Variants in TTC21A observed in about 807,000 individuals in gnomAD.
TTC21A encodes the protein tetratricopeptide repeat protein 21A.
Under a neutral mutation model 156.4 loss-of-function variants are expected in TTC21A, and 128 were observed. That is an observed-to-expected ratio of 0.82 (90% CI 0.71 to 0.95). The LOEUF (loss-of-function observed/expected upper bound fraction) is 0.95, where lower values mean the gene tolerates loss of function less well. Among genes scored for constraint, TTC21A ranks in the 40% least tolerant of loss-of-function variants. The pLI is 0.00. For synonymous variants in TTC21A, 587 were observed against 617.1 expected (o/e 0.95, Z 0.72); for missense variants, 1,435 against 1,602.3 (o/e 0.90, Z 1.78).
intron 19 of TTC21A, among the ~76,000 whole-genome samples, chr3:39,132,405 T>TC (rs561731087): frequency 2.0e-5 from 3 of 152,066 alleles, no homozygotes; most frequent in East Asian, 3.9e-4. Context: ...CTCACGTTTT[T>TC]CCCCCCAGGG....
In TTC21A at chr3:39,136,498, T is replaced by C. The variant is rs1438190200; in HGVS notation, c.3086T>C (p.Ile1029Thr). 5.6e-6 allele frequency: 9 copies of C among 1,613,912 alleles called. No individual in the cohort carries two copies. The highest frequency in any genetic ancestry group is 6.8e-6 in the Non-Finnish European group (8 of 1,179,958). ...CCAGGGTTCAATTACTGCAGAGGTATCTACTGCTGGTGAGTTGGGTGTGGT... is the reference window on the plus strand; with the variant it reads ...CCAGGGTTCAATTACTGCAGAGGTACCTACTGCTGGTGAGTTGGGTGTGGT... ...LEPGFNYCRG[I>T]YCWHIGQPNE... The change falls in exon 23 of 29, where the codon ATC becomes ACC. Residue 1029 changes from isoleucine to threonine, a missense_variant. By Grantham distance (89) the Ile-to-Thr change is moderately conservative. Coordinates refer to ENST00000683103, the MANE Select transcript of TTC21A (RefSeq NM_001366900.1).
chr3:39,137,337 G>C lies in TTC21A; in HGVS notation c.3400G>C (p.Ala1134Pro). The change falls in exon 25 of 29, where the codon GCT becomes CCT. Residue 1134 changes from alanine to proline, a missense_variant. Coordinates refer to ENST00000683103, the MANE Select transcript of TTC21A (RefSeq NM_001366900.1). ...GLCRLATREKANMEAALGSFI... is the reference protein window; with the variant it reads ...GLCRLATREKPNMEAALGSFI... ...CTGCCGGCTGGCCACCAGGGAGAAG[G>C]CTAACATGGAGGCTGCGCTGGGCAG... 1 of 1,613,912 alleles carries C rather than the reference G, an allele frequency of 6.2e-7. No homozygotes were observed. The highest frequency in any genetic ancestry group is 1.3e-5 in the African/African-American group (1 of 75,060).
chr3:39,119,020 C>T (rs900114578), intron 7 of TTC21A: 1 of 152,166 alleles, frequency 6.6e-6, no homozygotes, highest in African/African-American at 2.4e-5. Flanking sequence ...CTATCCTCAG[C>T]TCCCTGTGAC....
chr3:39,113,589 C>T (rs181254067), intron 5 of TTC21A, among the ~76,000 whole-genome samples: 177 of 152,288 alleles, frequency 1.2e-3, no homozygotes, highest in African/African-American at 4.0e-3. Flanking sequence ...TCTCCTGCTC[C>T]TGATGGTAGG....
chr3:39,119,988 C>T lies in TTC21A; in HGVS notation c.868C>T (p.His290Tyr). The change falls in exon 8 of 29, where the codon CAT becomes TAT. Residue 290 changes from histidine to tyrosine, a missense_variant. Coordinates refer to ENST00000683103, the MANE Select transcript of TTC21A (RefSeq NM_001366900.1). ...ETREPENPSL[H>Y]LKKIIVVSRL... Reference sequence around the variant, plus strand: ...AAGGGAACCCGAAAATCCAAGCCTCCATCTTAAAAAAATTATTGTGGTTAG... The same window carrying T: ...AAGGGAACCCGAAAATCCAAGCCTCTATCTTAAAAAAATTATTGTGGTTAG... 6.2e-7 allele frequency: 1 copy of T among 1,609,006 alleles called. No individual in the cohort carries two copies. Among genetic ancestry groups the T allele is most frequent in the Non-Finnish European group, 8.5e-7 (1 of 1,175,982 alleles).
intron 4 of TTC21A, among the ~76,000 whole-genome samples, 164 bp from the exon 5 acceptor site, chr3:39,112,294 A>G (rs913692857): frequency 1.3e-5 from 2 of 152,154 alleles, no homozygotes; most frequent in Admixed American, 6.5e-5. Flanking sequence ...CAAAGCAACA[A>G]TGGGAGTCCT....
chr3:39,135,243 T>C, intron 22 of TTC21A, 69 bp downstream of exon 22: 1 of 1,349,204 alleles, frequency 7.4e-7, no homozygotes. Flanking sequence ...CAGAGAAGGG[T>C]GGGACCTCTC....
intron 1 of TTC21A, 38 bp downstream of exon 1, chr3:39,107,902 ACT>A: frequency 1.2e-6 from 2 of 1,607,496 alleles, no homozygotes; most frequent in Non-Finnish European, 1.7e-6. Context: ...CTCCCTCGTG[ACT>A]CCCCGCCCCT....
chr3:39,117,515 A>G (rs1193741088), intron 6 of TTC21A, among the ~76,000 whole-genome samples: 1 of 152,180 alleles, frequency 6.6e-6, no homozygotes, highest in Non-Finnish European at 1.5e-5. Context: ...ACTGCCCCCC[A>G]AGTGCCTTTC....
chr3:39,121,934 G>A (rs2949565), intron 9 of TTC21A, among the ~76,000 whole-genome samples: 82,639 of 152,034 alleles, frequency 0.54, 25,493 homozygotes, highest in East Asian at 0.72. Flanking sequence ...TTGACTTCTG[G>A]TTCAACATGT....
chr3:39,137,849 T>C (rs927428025), intron 26 of TTC21A, 139 bp downstream of exon 26: 8 of 889,932 alleles, frequency 9.0e-6, no homozygotes, highest in African/African-American at 1.7e-5. Flanking sequence ...GAGGGGCACA[T>C]GGGCGACAGA....
rs784498 is a variant in TTC21A, at chr3:39,138,608, T to A, written c.3849T>A (p.Ile1283=). Residue 1283 remains isoleucine (I), a synonymous_variant, in exon 28 of 29, where the codon ATT becomes ATA. Transcript: ENST00000683103. ...YLKDKKFVEA[I]EICNDVLREH... is the part of the protein sequence containing the mutation. ...AGGACAAGAAATTTGTGGAGGCCATTGAAATCTGCAACGATGTAAGCCAGC... is the reference window on the plus strand; with the variant it reads ...AGGACAAGAAATTTGTGGAGGCCATAGAAATCTGCAACGATGTAAGCCAGC... 1 of 1,613,878 alleles carries A rather than the reference T, an allele frequency of 6.2e-7. No individual in the cohort carries two copies. The highest frequency in any genetic ancestry group is 2.2e-5 in the East Asian group (1 of 44,874).
chr3:39,130,364 G>A lies in TTC21A; in HGVS notation c.2319+6G>A. On this transcript the variant is annotated splice_donor_region_variant and intron_variant, in intron 17 of 28. Transcript: ENST00000683103. The surrounding 1 kb of genome is among the most constrained non-coding windows in gnomAD (Gnocchi z 4.5). ...AGGCCCACCAGTATACTGAGGTCAGGCTGGGCTAGGGTGTGAAGGGGCAGG... is the reference window on the plus strand; with the variant it reads ...AGGCCCACCAGTATACTGAGGTCAGACTGGGCTAGGGTGTGAAGGGGCAGG... 2 of 1,609,018 alleles carry A rather than the reference G, an allele frequency of 1.2e-6. No individual in the cohort carries two copies. The highest frequency in any genetic ancestry group is 1.1e-5 in the South Asian group (1 of 90,342).
Position 39,131,048 on chromosome 3 carries a change from G to C in TTC21A, c.2515G>C (p.Val839Leu), listed in dbSNP as rs900089787. The C allele has an allele frequency of 1.2e-6, 2 of 1,613,156 alleles. No individual in the cohort carries two copies. Among genetic ancestry groups the C allele is most frequent in the African/African-American group, 1.3e-5 (1 of 74,898 alleles). ...DVKCLLLLAK[V>L]YKSHKKEAVI... ...TAAGTGCCTGCTTTTGCTGGCAAAG[G>C]TTTACAAGAGCCATAAAAAAGAAGC... The change falls in exon 19 of 29, where the codon GTT becomes CTT. Residue 839 changes from valine (V) to leucine (L), a missense_variant. Transcript: ENST00000683103.
At chr3:39,110,520 A>G (rs1178194505) in intron 3 of TTC21A, 1 of 498,202 alleles carries the variant, frequency 2.0e-6, no homozygotes, top group Admixed American at 3.4e-5. Context: ...ACTACAGACT[A>G]CTATTTCCCT....
intron 13 of TTC21A, 47 bp downstream of exon 13, chr3:39,128,535 T>G (rs1228934487): frequency 6.2e-7 from 1 of 1,611,360 alleles, no homozygotes; most frequent in East Asian, 2.2e-5. Context: ...CAGCTAGCTG[T>G]GGCCCCTGTT....
chr3:39,137,614 G>A lies in TTC21A; in HGVS notation c.3579G>A (p.Leu1193=). 6.2e-7 allele frequency: 1 copy of A among 1,614,234 alleles called. No homozygotes were observed. The change falls in exon 26 of 29, where the codon CTG becomes CTA. Residue 1193 remains leucine, a synonymous_variant. Transcript: ENST00000683103. ...TPWVLSEAED[L]EKSWLLLADI... ...GGGTGCTGAGTGAGGCTGAGGACCT[G>A]GAGAAGAGCTGGCTCCTGCTGGCTG...
intron 3 of TTC21A, among the ~76,000 whole-genome samples, chr3:39,110,592 C>G: frequency 6.6e-6 from 1 of 152,254 alleles, no homozygotes; most frequent in East Asian, 1.9e-4. Flanking sequence ...GCTCAGCACA[C>G]TGCTGGGCAC....
intron 4 of TTC21A, among the ~76,000 whole-genome samples, chr3:39,112,001 C>T (rs2036872245): frequency 6.6e-6 from 1 of 152,174 alleles, no homozygotes; most frequent in Non-Finnish European, 1.5e-5. Flanking sequence ...GAGGGCATTC[C>T]TTGGCTTCCT....
Sources: allele counts gnomAD v4.1 joint callset (sites outside exome capture counted in the v4.1 genomes callset), GRCh38; gene constraint gnomAD v4.1.1; non-coding constraint Gnocchi (gnomAD v3.1); transcripts MANE v1.5; gene names NCBI Gene and HGNC (gene_info 2026-07-23, HGNC 2026-07-21).